Variants in COL21A1 observed in about 807,000 individuals in gnomAD.
COL21A1 encodes collagen type XXI alpha 1 chain, also known as collagen alpha-1(XXI) chain.
A neutral mutation model predicts 137.9 loss-of-function variants in COL21A1; 149 were observed. That is an observed-to-expected ratio of 1.08 (90% CI 0.95 to 1.24). The LOEUF is 1.24. Ranked by LOEUF, COL21A1 falls within the 50% of genes most tolerant of loss-of-function variation. COL21A1 has a pLI of 0.00. For missense variants in COL21A1, 1,167 were observed against 1,158.4 expected (o/e 1.01, Z -0.11); for synonymous variants, 456 against 391.5 (o/e 1.16, Z -1.95).
chr6:56,150,184 C>T (rs570514530), intron 10 of COL21A1, among the ~76,000 whole-genome samples: 59 of 152,246 alleles, frequency 3.9e-4, no homozygotes, highest in African/African-American at 1.3e-3. Context: ...TAGAAGGCTG[C>T]CCCTGTCTGC....
intron 1 of COL21A1, among the ~76,000 whole-genome samples, chr6:56,330,765 GA>G (rs1439161908): frequency 3.3e-5 from 5 of 152,102 alleles, no homozygotes; most frequent in African/African-American, 1.2e-4. Context: ...ATGAACATGT[GA>G]GTGCAGGTGA....
rs952770018 is a variant in COL21A1 at position 56,164,462 on chromosome 6, A to T, written c.1332T>A (p.Cys444Ter). Residue 444 changes from cysteine (C) to a stop codon, truncating the protein, a stop_gained, in exon 9 of 30, where the codon TGT (cysteine) becomes TGA (stop). Transcript: ENST00000244728. LOFTEE classifies it high-confidence loss of function. ...GTCCTGGTTTTCCCGGAGGACAAATACAGGGAGCTGGAGTTGAACCTACAT... is the reference window on the plus strand; with the variant it reads ...GTCCTGGTTTTCCCGGAGGACAAATTCAGGGAGCTGGAGTTGAACCTACAT... ...PSDVGSTPAP[C>*]ICPPGKPGLQ... 4.4e-6 allele frequency: 7 copies of T among 1,590,800 alleles called. No homozygotes were observed. The African/African-American group carries it at 8.0e-5, about 18-fold the overall frequency.
At chr6:56,157,313 T>G (rs968963214) in intron 9 of COL21A1, among the ~76,000 whole-genome samples, 1 of 146,768 alleles carries the variant, frequency 6.8e-6, no homozygotes, top group African/African-American at 2.5e-5. Context: ...AAGACTTTTT[T>G]TTTTTTTTTT....
intron 1 of COL21A1, among the ~76,000 whole-genome samples, chr6:56,307,141 A>T (rs999810504): frequency 6.6e-6 from 1 of 152,126 alleles, no homozygotes; most frequent in African/African-American, 2.4e-5. Context: ...CTACTGGGGG[A>T]TGCCTCCCAG....
intron 12 of COL21A1, among the ~76,000 whole-genome samples, chr6:56,133,704 T>A (rs1245475696): frequency 6.6e-6 from 1 of 152,148 alleles, no homozygotes; most frequent in East Asian, 1.9e-4. Flanking sequence ...AGGGCCCCCT[T>A]GCTCTGTGCA....
intron 17 of COL21A1, among the ~76,000 whole-genome samples, chr6:56,099,862 G>A (rs1056750769): frequency 6.6e-6 from 1 of 151,938 alleles, no homozygotes; most frequent in African/African-American, 2.4e-5. Context: ...TACCCTAGTC[G>A]AGGCCTTCTA....
chr6:56,338,421 T>C (rs1765382717), intron 1 of COL21A1, among the ~76,000 whole-genome samples: 1 of 151,448 alleles, frequency 6.6e-6, no homozygotes, highest in Non-Finnish European at 1.5e-5. Flanking sequence ...TCTCTGACAA[T>C]GGAGATAGGC....
chr6:56,111,151 C>CAA (rs34644083), intron 16 of COL21A1, among the ~76,000 whole-genome samples: 26,537 of 142,212 alleles, frequency 0.19, 2,954 homozygotes, highest in African/African-American at 0.32. Flanking sequence ...TATCCTTTTC[C>CAA]AAAAAAAAAA....
intron 10 of COL21A1, among the ~76,000 whole-genome samples, chr6:56,147,215 A>G (rs1774900357): frequency 6.6e-6 from 1 of 152,094 alleles, no homozygotes; most frequent in South Asian, 2.1e-4. Context: ...AGAGGCGATC[A>G]ATAGCTAACC....
At chr6:56,255,618 G>A (rs962613831) in intron 1 of COL21A1, among the ~76,000 whole-genome samples, 4 of 152,130 alleles carry the variant, frequency 2.6e-5, no homozygotes, top group African/African-American at 9.7e-5. Flanking sequence ...AGCAGCAATG[G>A]GTGGGCATGA....
intron 1 of COL21A1, among the ~76,000 whole-genome samples, chr6:56,208,345 A>G (rs777186354): frequency 6.6e-6 from 1 of 152,236 alleles, no homozygotes; most frequent in Non-Finnish European, 1.5e-5. Context: ...TACAAAATCT[A>G]TGTGTAAAAA....
intron 1 of COL21A1, among the ~76,000 whole-genome samples, chr6:56,324,297 C>A (rs1299100555): frequency 2.0e-5 from 3 of 152,054 alleles, no homozygotes; most frequent in South Asian, 4.1e-4. Flanking sequence ...GCAGAGCAAG[C>A]CTTTCCTTCC....
chr6:56,078,659 T>C (rs564271237), intron 17 of COL21A1, among the ~76,000 whole-genome samples: 1 of 151,848 alleles, frequency 6.6e-6, no homozygotes, highest in African/African-American at 2.4e-5. Flanking sequence ...ATCAATGTGC[T>C]AATCGCAATT....
chr6:56,105,521 A>C (rs1045658702), intron 16 of COL21A1, among the ~76,000 whole-genome samples: 4 of 152,192 alleles, frequency 2.6e-5, no homozygotes, highest in Non-Finnish European at 5.9e-5. Flanking sequence ...TCTTTATTCT[A>C]GTTAAGATAT....
At chr6:56,141,229 T>C (rs1044714393) in intron 12 of COL21A1, among the ~76,000 whole-genome samples, 3 of 152,190 alleles carry the variant, frequency 2.0e-5, no homozygotes, top group East Asian at 3.8e-4. Context: ...AATTGTGGTA[T>C]ATATACATAA....
At chr6:56,356,425 T>A (rs1206912338) in intron 1 of COL21A1, among the ~76,000 whole-genome samples, 1 of 152,114 alleles carries the variant, frequency 6.6e-6, no homozygotes, top group Non-Finnish European at 1.5e-5. Context: ...GGGTACTCAC[T>A]CCCCTCTGCC....
At chr6:56,338,876 G>T (rs9464379) in intron 1 of COL21A1, among the ~76,000 whole-genome samples, 57,282 of 151,884 alleles carry the variant, frequency 0.38, 11,340 homozygotes, top group Non-Finnish European at 0.42. Context: ...GGGGAGAAAG[G>T]TGGTCCCATG....
rs1354444033 is a variant in COL21A1 at position 56,075,846 on chromosome 6, TAG to T, written c.1858-316_1858-315del. On this transcript the variant is annotated intron_variant, in intron 18 of 29. Coordinates refer to ENST00000244728, the MANE Select transcript of COL21A1 (RefSeq NM_030820.4). ...AGGTGAAAAATTTTTCTATTTATCA[TAG>T]AGTTTAAGAAATATGATAGTGAACA... Among the ~76,000 whole-genome samples, 9 of 151,542 alleles carry T rather than the reference TAG, an allele frequency of 5.9e-5. No individual in the cohort carries two copies. The East Asian group carries it at 1.8e-3, about 30-fold the overall frequency.
chr6:56,060,958 G>A lies in COL21A1; in HGVS notation c.2285C>T (p.Pro762Leu). Residue 762 changes from proline to leucine, a missense_variant, in exon 26 of 30, where the codon CCC becomes CTC. By Grantham distance (98) the Pro-to-Leu change is moderately conservative (BLOSUM62 -3). Coordinates refer to ENST00000244728, the MANE Select transcript of COL21A1 (RefSeq NM_030820.4). ...GESGVDGLMG[P>L]AGPKGQPGDP... ...CCCAGGTTGCCCCTTAGGACCTGCG[G>A]GCCCCATCAAGCCATCCACCCCAGA... 1 of 1,608,392 alleles carries A rather than the reference G, an allele frequency of 6.2e-7. No individual in the cohort carries two copies.
Sources: gnomAD v4.1 joint callset for allele counts (sites outside exome capture counted in the v4.1 genomes callset) on GRCh38, gnomAD v4.1.1 for gene constraint, MANE v1.5 for transcripts, NCBI Gene and HGNC (gene_info 2026-07-23, HGNC 2026-07-21) for gene names.